Variants in PPEF2 observed in about 807,000 individuals in gnomAD.
PPEF2 encodes the protein serine/threonine-protein phosphatase with EF-hands 2.
In PPEF2, 84 loss-of-function variants were observed where a neutral mutation model predicts 84.7. That is an observed-to-expected ratio of 0.99 (90% CI 0.83 to 1.19). PPEF2 has a LOEUF of 1.19. Among genes scored for constraint, PPEF2 ranks in the 50% most tolerant of loss-of-function variants. PPEF2 has a pLI of 0.00. For missense variants in PPEF2, 924 were observed against 937.5 expected (o/e 0.99, Z 0.19); for synonymous variants, 346 against 345.2 (o/e 1.00, Z -0.03).
chr4:75,880,834 T>A (rs1724551760), intron 10 of PPEF2, among the ~76,000 whole-genome samples: 1 of 148,972 alleles, frequency 6.7e-6, no homozygotes, highest in African/African-American at 2.5e-5. Context: ...AGAGTCTCAC[T>A]CTGTCGCCAG....
intron 5 of PPEF2, 111 bp from the exon 6 acceptor site, chr4:75,888,439 A>G: frequency 1.5e-6 from 1 of 688,612 alleles, no homozygotes; most frequent in Admixed American, 2.3e-5. Flanking sequence ...CCCAAAAGTA[A>G]CCCCAGTAAA....
intron 8 of PPEF2, 78 bp from the exon 9 acceptor site, chr4:75,883,280 T>G (rs1300165569): frequency 3.0e-6 from 4 of 1,340,248 alleles, no homozygotes. Context: ...TTTAGAAGAA[T>G]GCATATTCTG....
chr4:75,877,219 C>A (rs899095346), intron 10 of PPEF2, among the ~76,000 whole-genome samples: 2 of 151,842 alleles, frequency 1.3e-5, no homozygotes, highest in African/African-American at 2.4e-5. Context: ...TGCCTGTAAT[C>A]CCAGCTACTT....
At chr4:75,860,981 T>A (rs1342884644) in intron 16 of PPEF2, 61 bp from the exon 17 acceptor site, 50 of 1,568,688 alleles carry the variant, frequency 3.2e-5, no homozygotes, top group Non-Finnish European at 4.4e-5. Context: ...TCATTTTCTC[T>A]GACATTCTTA....
chr4:75,891,525 G>A (rs1488194341), intron 4 of PPEF2, 123 bp downstream of exon 4: 2 of 1,133,160 alleles, frequency 1.8e-6, no homozygotes, highest in Non-Finnish European at 2.5e-6. Flanking sequence ...TTACTCCTCA[G>A]CCCCTTGCTT....
intron 12 of PPEF2, among the ~76,000 whole-genome samples, chr4:75,872,828 C>T (rs937376532): frequency 4.7e-4 from 71 of 152,266 alleles, no homozygotes; most frequent in African/African-American, 1.7e-3. Context: ...GCCTGGGGAG[C>T]GACCTGAAGA....
chr4:75,876,766 G>T, intron 10 of PPEF2, 93 bp from the exon 11 acceptor site: 3 of 1,361,436 alleles, frequency 2.2e-6, no homozygotes, highest in South Asian at 1.6e-5. Context: ...AGAACTTTGG[G>T]AGACTGAGCC....
chr4:75,878,512 C>T (rs1724486575), intron 10 of PPEF2, among the ~76,000 whole-genome samples: 1 of 152,214 alleles, frequency 6.6e-6, no homozygotes, highest in African/African-American at 2.4e-5. Flanking sequence ...CCAGCTTGGA[C>T]TGGCTTAGGG....
chr4:75,864,352 G>C (rs1043049094), intron 16 of PPEF2, 88 bp downstream of exon 16: 31 of 1,013,906 alleles, frequency 3.1e-5, no homozygotes, highest in Non-Finnish European at 4.5e-5. Context: ...GAGTGGAGAT[G>C]AATGAGGATG....
rs1006704604 is a variant in PPEF2, at chr4:75,899,274, G to T, written c.-58-2891C>A. Among the ~76,000 whole-genome samples, 4 of 152,122 alleles carry T rather than the reference G, an allele frequency of 2.6e-5. No homozygotes were observed. In the South Asian group the frequency reaches 8.3e-4, roughly 32 times the overall value. On this transcript the variant is annotated intron_variant, in intron 1 of 16. Transcript: ENST00000286719. ...CATTCATCCACTGATGGGCATACAGGTTGATTCTATGTCTTGGCTATTGTG... is the reference window on the plus strand; with the variant it reads ...CATTCATCCACTGATGGGCATACAGTTTGATTCTATGTCTTGGCTATTGTG...
intron 1 of PPEF2, among the ~76,000 whole-genome samples, chr4:75,898,346 C>T (rs11934638): frequency 0.22 from 33,216 of 152,186 alleles, 4,056 homozygotes; most frequent in Non-Finnish European, 0.28. Flanking sequence ...TCTCTCTTCT[C>T]TCCTTTCTTC....
chr4:75,889,005 A>G (rs974971759), intron 5 of PPEF2: 4 of 152,314 alleles, frequency 2.6e-5, no homozygotes, highest in African/African-American at 9.7e-5. Context: ...AGGTCAGGAG[A>G]TCGAGACCAT....
rs1256843864 is a variant in PPEF2, at chr4:75,888,313, A to T, written c.433T>A (p.Tyr145Asn). 1 of 1,613,572 alleles carries T rather than the reference A, an allele frequency of 6.2e-7. No individual in the cohort carries two copies. Among genetic ancestry groups the T allele is most frequent in the Non-Finnish European group, 8.5e-7 (1 of 1,179,624 alleles). ...GTTTCATACAAAAGGTTCAAGACGT[A>T]GCGAGCATGGAGCTGCTACTGGGAG... The part of the protein sequence containing the change: ...FRLKQQLHAR[Y>N]VLNLLYETKK... The change falls in exon 6 of 17, where the codon TAC (tyrosine) becomes AAC (asparagine). Residue 145 changes from tyrosine to asparagine, a missense_variant. By Grantham distance (143) the Tyr-to-Asn change is moderately radical (BLOSUM62 -2). Transcript: ENST00000286719.
chr4:75,883,815 CA>C (rs1724642910), intron 8 of PPEF2, among the ~76,000 whole-genome samples: 2 of 42,736 alleles, frequency 4.7e-5, no homozygotes, highest in South Asian at 1.5e-3. Flanking sequence ...GAGACTCCGT[CA>C]CAAAAAAAAA....
Position 75,890,093 on chromosome 4 carries a change from G to A in PPEF2, c.281C>T (p.Ala94Val), listed in dbSNP as rs564334770. ...LTRIFTEDRF[A>V]QDSEMKKCSD... Reference sequence around the variant, plus strand: ...GCATTTCTTCATCTCGGAGTCCTGGGCGAATCTGTCCTCAGTGAATATGCG... The same window carrying A: ...GCATTTCTTCATCTCGGAGTCCTGGACGAATCTGTCCTCAGTGAATATGCG... The change falls in exon 5 of 17, where the codon GCC becomes GTC. Residue 94 changes from alanine to valine, a missense_variant. Coordinates refer to ENST00000286719, the MANE Select transcript of PPEF2 (RefSeq NM_006239.3). 3.1e-6 allele frequency: 5 copies of A among 1,614,126 alleles called. No homozygotes were observed. The South Asian group carries it at 4.4e-5, about 14-fold the overall frequency.
Position 75,860,529 on chromosome 4 carries a change from A to T in PPEF2, c.*138T>A. 2.6e-6 allele frequency: 3 copies of T among 1,152,564 alleles called. No homozygotes were observed. The highest frequency in any genetic ancestry group is 3.6e-6 in the Non-Finnish European group (3 of 823,040). The allele number at this position is 1,152,564 out of a possible 1,614,324, so 71.4% of individuals were successfully genotyped here. A position where few individuals can be genotyped will look rare whatever the true frequency, so the allele number is the denominator to read the frequency against. ...CACCCCAACCCACCCCTCCACACTG[A>T]AATACACAGGTGATTCTGATGCATA... is the stretch of plus-strand genomic sequence containing the variant. On this transcript the variant is annotated 3_prime_UTR_variant, in exon 17 of 17. Transcript: ENST00000286719.
chr4:75,862,464 A>G (rs1724030144), intron 16 of PPEF2, among the ~76,000 whole-genome samples: 1 of 152,168 alleles, frequency 6.6e-6, no homozygotes, highest in African/African-American at 2.4e-5. Context: ...AAAAAGACAA[A>G]TAGCCCAATT....
At chr4:75,872,248 CT>C in intron 12 of PPEF2, 81 bp from the exon 13 acceptor site, 9 of 1,324,314 alleles carry the variant, frequency 6.8e-6, no homozygotes, top group Non-Finnish European at 9.2e-6. Flanking sequence ...CCCAACTCAA[CT>C]GCAGAAGCTG....
At chr4:75,867,500 C>T in intron 13 of PPEF2, 81 bp from the exon 14 acceptor site, 1 of 1,059,568 alleles carries the variant, frequency 9.4e-7, no homozygotes, top group Non-Finnish European at 1.4e-6. Context: ...TTTCCACTCT[C>T]TCTTTCTTAA....
Sources: gnomAD v4.1 joint callset for allele counts (sites outside exome capture counted in the v4.1 genomes callset) on GRCh38, gnomAD v4.1.1 for gene constraint, MANE v1.5 for transcripts, NCBI Gene and HGNC (gene_info 2026-07-23, HGNC 2026-07-21) for gene names.